The following SGCD variants were observed in gnomAD, a reference collection of about 807,000 sequenced individuals.
SGCD encodes the protein sarcoglycan delta, also known as delta-sarcoglycan.
SGCD carries 18 observed loss-of-function variants against 36.6 expected under a neutral mutation model. The ratio of observed to expected loss-of-function variants is 0.49; its 90% CI spans 0.34 to 0.73. The LOEUF is 0.73. SGCD is among the 30% of genes least tolerant of loss of function. The pLI, the probability that SGCD is intolerant of heterozygous loss-of-function variation, is 0.01. For missense variants in SGCD, 387 were observed against 346.7 expected, an observed-to-expected ratio of 1.12 and a Z score of -0.92; for synonymous variants, 133 against 130.6, an observed-to-expected ratio of 1.02 and a Z score of -0.12.
intron 1 of SGCD, among the ~76,000 whole-genome samples, chr5:155,976,979 C>T (rs986204508): frequency 5.3e-5 from 8 of 152,306 alleles, no homozygotes; most frequent in Non-Finnish European, 8.8e-5. Context: ...TTACTTCCCT[C>T]CCCTGGGCTT....
At chr5:156,327,669 T>C (rs1767872629) in intron 1 of SGCD, among the ~76,000 whole-genome samples, 1 of 152,202 alleles carries the variant, frequency 6.6e-6, no homozygotes, top group Admixed American at 6.5e-5. Context: ...TTTTTAATAG[T>C]AGAAAATGGC....
rs192288297 is a variant in SGCD, at chr5:156,470,254, G to A, written c.193-38347G>A. On this transcript the variant is annotated intron_variant, in intron 3 of 8. Transcript: ENST00000337851. ...TCTCAGCTTACTTCTGGGATATTAC[G>A]TGAGAAGATATTAAAATAGAAGAAT... 3.2e-3 allele frequency among the ~76,000 whole-genome samples: 486 copies of A among 152,202 alleles called. 6 individuals carry two copies. The highest frequency in any genetic ancestry group is 9.0e-3 in the African/African-American group (374 of 41,506).
In SGCD at chr5:156,706,124, G is replaced by T. The variant is rs112752357; in HGVS notation, c.576-51457G>T. 3.6e-3 allele frequency among the ~76,000 whole-genome samples: 555 copies of T among 152,146 alleles called. 7 individuals are homozygous for T. The highest frequency in any genetic ancestry group is 0.012 in the African/African-American group (484 of 41,528). ...CTGGATATATAATTTCAAATTATGT[G>T]TATCAATAGCAGGTACAAATTCCAA... On this transcript the variant is annotated intron_variant, in intron 7 of 8. Transcript: ENST00000337851.
chr5:156,218,722 ACT>A (rs1466941566), intron 3 of SGCD, among the ~76,000 whole-genome samples: 2 of 151,948 alleles, frequency 1.3e-5, no homozygotes, highest in East Asian at 3.9e-4. Flanking sequence ...AAGCATTAGC[ACT>A]CTTTCTACCA....
Position 156,387,527 on chromosome 5 carries a change from C to T in SGCD, c.192+42850C>T, listed in dbSNP as rs141504009. Among the ~76,000 whole-genome samples the T allele has an allele frequency of 4.9e-3, 739 of 152,276 alleles. 4 individuals carry two copies. Among genetic ancestry groups the T allele is most frequent in the Admixed American group, 8.3e-3 (127 of 15,298 alleles). ...GAGAGCCTCCAAGCATGATGTATTGCACCTATAAGCTGAGTCAAGGGACTA... is the reference window on the plus strand; with the variant it reads ...GAGAGCCTCCAAGCATGATGTATTGTACCTATAAGCTGAGTCAAGGGACTA... On this transcript the variant is annotated intron_variant, in intron 3 of 8. Transcript: ENST00000337851.
At chr5:156,603,430 C>T (rs897538097) in intron 6 of SGCD, among the ~76,000 whole-genome samples, 2 of 151,796 alleles carry the variant, frequency 1.3e-5, no homozygotes, top group South Asian at 2.1e-4. Flanking sequence ...TAATTCTACT[C>T]GATCTTTATT....
intron 7 of SGCD, among the ~76,000 whole-genome samples, chr5:156,726,740 C>T (rs1179281631): frequency 6.6e-6 from 1 of 152,204 alleles, no homozygotes; most frequent in African/African-American, 2.4e-5. Context: ...TTCTAATTCT[C>T]TTACAATAAC....
the SGCD span, among the ~76,000 whole-genome samples, chr5:155,815,982 A>G: frequency 1.3e-5 from 2 of 152,228 alleles, no homozygotes; most frequent in Non-Finnish European, 2.9e-5. Context: ...TAGAAAATTT[A>G]GGGTTCAGTC....
intron 3 of SGCD, among the ~76,000 whole-genome samples, chr5:156,290,995 CAT>C (rs1243221045): frequency 6.6e-6 from 1 of 152,078 alleles, no homozygotes; most frequent in Non-Finnish European, 1.5e-5. Context: ...CTGTGGATAA[CAT>C]AATCTGAGGA....
upstream of SGCD, among the ~76,000 whole-genome samples, chr5:155,869,435 A>C (rs751265993): frequency 6.6e-6 from 1 of 151,972 alleles, no homozygotes; most frequent in African/African-American, 2.4e-5. Flanking sequence ...TTGTAAAATG[A>C]TTTTCATCTT....
intron 3 of SGCD, among the ~76,000 whole-genome samples, chr5:156,488,116 T>G (rs1055380092): frequency 6.9e-6 from 1 of 145,382 alleles, no homozygotes; most frequent in African/African-American, 2.5e-5. Context: ...TTTTTTTTTT[T>G]TTTTTTTTAA....
intron 1 of SGCD, among the ~76,000 whole-genome samples, chr5:155,954,697 G>A (rs1247047851): frequency 4.6e-5 from 7 of 152,006 alleles, no homozygotes; most frequent in Non-Finnish European, 8.8e-5. Context: ...ATCAGTAAAG[G>A]TTTTCCAGAG....
intron 1 of SGCD, among the ~76,000 whole-genome samples, chr5:156,094,275 G>T (rs933935936): frequency 1.3e-5 from 2 of 152,028 alleles, no homozygotes; most frequent in Non-Finnish European, 2.9e-5. Context: ...AGCTGCAGCT[G>T]CAGGAACAGT....
chr5:156,707,991 A>T (rs1754814881), intron 7 of SGCD, among the ~76,000 whole-genome samples: 1 of 152,146 alleles, frequency 6.6e-6, no homozygotes, highest in Non-Finnish European at 1.5e-5. Context: ...CAAATAACAG[A>T]GTGAGAGAGC....
intron 3 of SGCD, among the ~76,000 whole-genome samples, chr5:156,408,204 A>G (rs558655918): frequency 6.0e-4 from 92 of 152,316 alleles, no homozygotes; most frequent in Admixed American, 1.0e-3. Flanking sequence ...TGAAGCTTTA[A>G]GCATTTTACA....
intron 4 of SGCD, among the ~76,000 whole-genome samples, chr5:156,511,463 C>T (rs967722732): frequency 6.6e-6 from 1 of 152,128 alleles, no homozygotes; most frequent in African/African-American, 2.4e-5. Context: ...AATGTCAAAT[C>T]GCTCCACCTC....
intron 4 of SGCD, among the ~76,000 whole-genome samples, chr5:156,516,302 T>G (rs994830938): frequency 1.3e-5 from 2 of 152,194 alleles, no homozygotes; most frequent in South Asian, 2.1e-4. Flanking sequence ...TCACTACCCT[T>G]CTGGGACAGA....
intron 1 of SGCD, among the ~76,000 whole-genome samples, chr5:156,017,807 T>C (rs1284946247): frequency 6.6e-6 from 1 of 152,170 alleles, no homozygotes; most frequent in Non-Finnish European, 1.5e-5. Flanking sequence ...ATGGCTTTTA[T>C]TGTATTACAT....
intron 1 of SGCD, among the ~76,000 whole-genome samples, chr5:155,956,555 A>C (rs1757653816): frequency 6.6e-6 from 1 of 152,036 alleles, no homozygotes; most frequent in Non-Finnish European, 1.5e-5. Context: ...ATTACCACAA[A>C]CTTGGTGTTT....
Sources: allele counts gnomAD v4.1 joint callset (sites outside exome capture counted in the v4.1 genomes callset), GRCh38; gene constraint gnomAD v4.1.1; transcripts MANE v1.5; gene names NCBI Gene and HGNC (gene_info 2026-07-23, HGNC 2026-07-21).